Variants in SPAG16 observed in about 807,000 individuals in gnomAD.
SPAG16 encodes sperm associated antigen 16, also known as sperm-associated antigen 16 protein.
Under a neutral mutation model 80.4 loss-of-function variants are expected in SPAG16, and 86 were observed. The ratio of observed to expected loss-of-function variants is 1.07; its 90% CI spans 0.90 to 1.28. The LOEUF is 1.28. SPAG16 is among the 50% of genes most tolerant of loss of function. The pLI, the probability that SPAG16 is intolerant of heterozygous loss-of-function variation, is 0.00. For synonymous variants in SPAG16, 294 were observed against 265.9 expected (o/e 1.11, Z -1.03); for missense variants, 870 against 765.3 (o/e 1.14, Z -1.61).
intron 15 of SPAG16, among the ~76,000 whole-genome samples, chr2:214,154,412 C>T (rs1210022494): frequency 6.6e-6 from 1 of 151,810 alleles, no homozygotes; most frequent in Non-Finnish European, 1.5e-5. Flanking sequence ...AGTTTCCCAA[C>T]ATTATGTTCT....
intron 4 of SPAG16, among the ~76,000 whole-genome samples, 180 bp from the exon 5 acceptor site, chr2:213,317,039 C>T (rs1170095005): frequency 1.3e-5 from 2 of 151,942 alleles, no homozygotes; most frequent in East Asian, 1.9e-4. Context: ...GGTATTGGTA[C>T]CTAGAAGTCA....
chr2:214,085,332 TC>T (rs918874961), intron 13 of SPAG16, among the ~76,000 whole-genome samples: 1 of 143,644 alleles, frequency 7.0e-6, no homozygotes, highest in African/African-American at 2.6e-5. Context: ...AGATCTGACA[TC>T]AAGCCAATGC....
intron 15 of SPAG16, among the ~76,000 whole-genome samples, chr2:214,291,636 C>G (rs1693814134): frequency 6.6e-6 from 1 of 152,130 alleles, no homozygotes; most frequent in Admixed American, 6.5e-5. Flanking sequence ...TTCAACCAGT[C>G]TATGTCTTTT....
chr2:213,543,196 G>T (rs1294908570), intron 10 of SPAG16, among the ~76,000 whole-genome samples: 2 of 151,944 alleles, frequency 1.3e-5, no homozygotes, highest in African/African-American at 4.8e-5. Context: ...GAGCTAAAGA[G>T]CCCCTAAGAA....
intron 11 of SPAG16, among the ~76,000 whole-genome samples, chr2:213,865,273 A>G (rs1397101573): frequency 7.2e-5 from 11 of 152,048 alleles, no homozygotes; most frequent in Non-Finnish European, 1.6e-4. Context: ...TATACAATCC[A>G]TAATTTATGA....
intron 15 of SPAG16, among the ~76,000 whole-genome samples, chr2:214,295,860 A>C (rs1464196992): frequency 6.6e-6 from 1 of 151,990 alleles, no homozygotes; most frequent in Non-Finnish European, 1.5e-5. Context: ...TTCACAAACC[A>C]TTTTCTTAGC....
At chr2:214,306,022 T>C (rs1694883624) in intron 15 of SPAG16, among the ~76,000 whole-genome samples, 1 of 152,192 alleles carries the variant, frequency 6.6e-6, no homozygotes, top group African/African-American at 2.4e-5. Context: ...GGAATGTTTT[T>C]CCATTTGTTT....
intron 15 of SPAG16, among the ~76,000 whole-genome samples, chr2:214,227,702 A>ATGTGTGTGTGTGTGTGTGTG (rs3044944): frequency 6.9e-6 from 1 of 145,660 alleles, no homozygotes; most frequent in East Asian, 2.0e-4. Flanking sequence ...TGGAAGGTGT[A>ATGTGTGTGTGTGTGTGTGTG]TGTGTGTGTG....
At chr2:214,234,734 GT>G (rs1011913477) in intron 15 of SPAG16, among the ~76,000 whole-genome samples, 8 of 151,868 alleles carry the variant, frequency 5.3e-5, no homozygotes, top group African/African-American at 1.9e-4. Context: ...GAATGGGGTT[GT>G]TTTTTTCTTG....
chr2:213,990,303 G>C lies in SPAG16; in HGVS notation c.1401-23648G>C, dbSNP rs568551321. 3.3e-5 allele frequency among the ~76,000 whole-genome samples: 5 copies of C among 151,956 alleles called. No homozygotes were observed. The East Asian group carries it at 7.7e-4, about 23-fold the overall frequency. ...AGTTGTATTATTGTGGAGAAAGACT[G>C]TATTAGAGCTAAGAAATTAATCACT... On this transcript the variant is annotated intron_variant, in intron 12 of 15. Coordinates refer to ENST00000331683, the MANE Select transcript of SPAG16 (RefSeq NM_024532.5).
intron 12 of SPAG16, among the ~76,000 whole-genome samples, chr2:213,960,933 A>T (rs76127681): frequency 6.6e-6 from 1 of 152,066 alleles, no homozygotes; most frequent in Non-Finnish European, 1.5e-5. Context: ...CAGAGCACAA[A>T]TCTCTGGTAT....
intron 14 of SPAG16, among the ~76,000 whole-genome samples, chr2:214,116,105 C>G (rs1379405605): frequency 6.6e-6 from 1 of 152,118 alleles, no homozygotes; most frequent in Non-Finnish European, 1.5e-5. Context: ...AACCTCATTT[C>G]CCAAAGGGCT....
At chr2:214,289,742 AT>A (rs923613055) in intron 15 of SPAG16, among the ~76,000 whole-genome samples, 4 of 150,022 alleles carry the variant, frequency 2.7e-5, no homozygotes, top group South Asian at 2.1e-4. Flanking sequence ...GAATTCTATA[AT>A]TTTTTTTAAT....
At position 213,292,681 on chromosome 2, in the gene SPAG16, AAAAC is replaced by A. The variant is rs1559377389; in HGVS notation, c.137-3379_137-3376del. Among the ~76,000 whole-genome samples, 24 of 126,034 alleles carry A rather than the reference AAAAC, an allele frequency of 1.9e-4. 2 individuals are homozygous for A. The highest frequency in any genetic ancestry group is 6.8e-4 in the African/African-American group (23 of 33,792). 82.7% of individuals were successfully genotyped at this position (126,034 alleles called of 152,430 possible). ...TCCGTCTCAAAAAAAAAAAACAAAA[AAAAC>A]AAAAAAAAACAAAACTATCAGAAAG... is the stretch of plus-strand genomic sequence containing the variant. On this transcript the variant is annotated intron_variant, in intron 1 of 15. Coordinates refer to ENST00000331683, the MANE Select transcript of SPAG16 (RefSeq NM_024532.5).
At chr2:213,379,608 C>G (rs1422659708) in intron 9 of SPAG16, among the ~76,000 whole-genome samples, 1 of 152,168 alleles carries the variant, frequency 6.6e-6, no homozygotes, top group Non-Finnish European at 1.5e-5. Context: ...AAACCCATAT[C>G]CAGAGTAAGT....
intron 15 of SPAG16, among the ~76,000 whole-genome samples, chr2:214,159,698 T>C (rs2056360188): frequency 6.6e-6 from 1 of 151,948 alleles, no homozygotes; most frequent in Non-Finnish European, 1.5e-5. Context: ...GAAGTGTAAA[T>C]AAAAATTGTT....
At position 213,661,855 on chromosome 2, in the gene SPAG16, C is replaced by A. The variant is rs183507409; in HGVS notation, c.1070+171765C>A. Among the ~76,000 whole-genome samples, 350 of 152,194 alleles carry A rather than the reference C, an allele frequency of 2.3e-3. 1 individual carries two copies. Among genetic ancestry groups the A allele is most frequent in the African/African-American group, 7.8e-3 (324 of 41,514 alleles). ...AATCCAGATAATAATTCCTGAATTA[C>A]CCCACCTTATAATTATCCAGAAGAA... On this transcript the variant is annotated intron_variant, in intron 10 of 15. Transcript: ENST00000331683.
intron 11 of SPAG16, among the ~76,000 whole-genome samples, chr2:213,868,449 CAG>C (rs915256711): frequency 2.6e-5 from 4 of 152,216 alleles, no homozygotes; most frequent in Admixed American, 1.3e-4. Flanking sequence ...AACAAAAACA[CAG>C]AGTTACATAA....
intron 1 of SPAG16, among the ~76,000 whole-genome samples, chr2:213,295,249 C>T (rs534183840): frequency 1.3e-5 from 2 of 151,924 alleles, no homozygotes; most frequent in East Asian, 3.9e-4. Flanking sequence ...ACAATAATAA[C>T]AACAACAACA....
Sources: allele counts gnomAD v4.1 joint callset (sites outside exome capture counted in the v4.1 genomes callset), GRCh38; gene constraint gnomAD v4.1.1; transcripts MANE v1.5; gene names NCBI Gene and HGNC (gene_info 2026-07-23, HGNC 2026-07-21).